Variants in KCND2 observed in about 807,000 individuals in gnomAD.
KCND2 encodes the protein A-type voltage-gated potassium channel KCND2.
A neutral mutation model predicts 54.4 loss-of-function variants in KCND2; 16 were observed. The observed-to-expected ratio is 0.29, with a 90% CI of 0.20 to 0.45. KCND2 has a LOEUF of 0.45. Ranked by LOEUF, KCND2 falls within the 20% of genes least tolerant of loss-of-function variation. The pLI is 1.00. For synonymous variants in KCND2, 317 were observed against 310.7 expected (o/e 1.02, Z -0.21); for missense variants, 486 against 824.2 (o/e 0.59, Z 5.02).
intron 1 of KCND2, among the ~76,000 whole-genome samples, chr7:120,396,254 G>T (rs1801154710): frequency 6.6e-6 from 1 of 151,968 alleles, no homozygotes; most frequent in Admixed American, 6.6e-5. Context: ...TGTAAGATCT[G>T]TTGGTTTTCC....
intron 1 of KCND2, among the ~76,000 whole-genome samples, chr7:120,632,377 T>G (rs1793244391): frequency 6.6e-6 from 1 of 152,140 alleles, no homozygotes; most frequent in East Asian, 1.9e-4. Context: ...TTTAACGAAA[T>G]GAATTTTCAA....
intron 1 of KCND2, among the ~76,000 whole-genome samples, chr7:120,565,113 A>G (rs897316550): frequency 6.6e-6 from 1 of 152,178 alleles, no homozygotes; most frequent in African/African-American, 2.4e-5. Context: ...ACAGACAATG[A>G]TAATGATGTT....
chr7:120,579,290 T>C (rs898628163), intron 1 of KCND2, among the ~76,000 whole-genome samples: 2 of 152,104 alleles, frequency 1.3e-5, no homozygotes, highest in Non-Finnish European at 2.9e-5. Flanking sequence ...TTCTCAGATT[T>C]ATCTTTTAGT....
At chr7:120,676,628 G>A (rs1792064541) in intron 1 of KCND2, among the ~76,000 whole-genome samples, 1 of 152,122 alleles carries the variant, frequency 6.6e-6, no homozygotes, top group Non-Finnish European at 1.5e-5. Context: ...TTCATATTAA[G>A]ATAGATATAT....
intron 1 of KCND2, among the ~76,000 whole-genome samples, chr7:120,580,788 A>G (rs1266501605): frequency 6.6e-6 from 1 of 152,198 alleles, no homozygotes; most frequent in Non-Finnish European, 1.5e-5. Context: ...CAAAACTTTC[A>G]TAACTTGTTT....
At chr7:120,397,989 GTGTGTGTATA>G (rs1267461549) in intron 1 of KCND2, among the ~76,000 whole-genome samples, 4 of 40,354 alleles carry the variant, frequency 9.9e-5, no homozygotes, top group African/African-American at 2.0e-4. Flanking sequence ...GTGTGTGTGT[GTGTGTGTATA>G]TATATATATA....
intron 1 of KCND2, among the ~76,000 whole-genome samples, chr7:120,538,445 C>T (rs953203358): frequency 6.6e-6 from 1 of 152,176 alleles, no homozygotes; most frequent in Non-Finnish European, 1.5e-5. Context: ...CTACCTGCAC[C>T]TATACCACAG....
chr7:120,557,169 T>G (rs1161626407), intron 1 of KCND2, among the ~76,000 whole-genome samples: 2 of 152,182 alleles, frequency 1.3e-5, no homozygotes, highest in Admixed American at 1.3e-4. Context: ...ACATAACAGA[T>G]GTACATATTT....
chr7:120,294,572 A>G (rs1799481523), intron 1 of KCND2, among the ~76,000 whole-genome samples: 1 of 151,876 alleles, frequency 6.6e-6, no homozygotes, highest in African/African-American at 2.4e-5. Context: ...AGACATTTTT[A>G]TCTAACTGAA....
intron 1 of KCND2, among the ~76,000 whole-genome samples, chr7:120,608,794 A>G (rs1232447415): frequency 6.6e-6 from 1 of 152,148 alleles, no homozygotes; most frequent in Non-Finnish European, 1.5e-5. Context: ...TGAAAAATTC[A>G]AAGTTTAGAC....
chr7:120,691,230 C>T (rs1302711076), intron 1 of KCND2, among the ~76,000 whole-genome samples: 1 of 152,170 alleles, frequency 6.6e-6, no homozygotes. Flanking sequence ...GAAGTAACAG[C>T]TATACAATAT....
chr7:120,471,983 T>A (rs1802460482), intron 1 of KCND2, among the ~76,000 whole-genome samples: 3 of 151,996 alleles, frequency 2.0e-5, no homozygotes, highest in Admixed American at 2.0e-4. Context: ...TTATCTCAGT[T>A]AACTGTCACT....
chr7:120,397,562 A>G (rs769985487), intron 1 of KCND2, among the ~76,000 whole-genome samples: 2 of 151,892 alleles, frequency 1.3e-5, no homozygotes, highest in African/African-American at 2.4e-5. Context: ...ATATTCTTCA[A>G]TTTCTTTAAA....
chr7:120,395,298 A>G (rs1426160521), intron 1 of KCND2, among the ~76,000 whole-genome samples: 2 of 152,068 alleles, frequency 1.3e-5, no homozygotes, highest in East Asian at 1.9e-4. Flanking sequence ...CAAACTCAGT[A>G]TAACTCAGTA....
At chr7:120,348,689 C>T (rs1800359755) in intron 1 of KCND2, among the ~76,000 whole-genome samples, 1 of 152,154 alleles carries the variant, frequency 6.6e-6, no homozygotes, top group Non-Finnish European at 1.5e-5. Context: ...AAAGCTATGA[C>T]CTCATGATGG....
At chr7:120,373,642 A>G (rs1356988562) in intron 1 of KCND2, among the ~76,000 whole-genome samples, 1 of 151,880 alleles carries the variant, frequency 6.6e-6, no homozygotes, top group Non-Finnish European at 1.5e-5. Flanking sequence ...AAATCCTTAG[A>G]TATCTAATAC....
chr7:120,338,822 G>T (rs1247828128), intron 1 of KCND2, among the ~76,000 whole-genome samples: 1 of 151,898 alleles, frequency 6.6e-6, no homozygotes, highest in East Asian at 1.9e-4. Flanking sequence ...AGAGAGTTGG[G>T]TGTAGTAAAG....
At chr7:120,635,429 CCA>C (rs1332929542) in intron 1 of KCND2, among the ~76,000 whole-genome samples, 15 of 152,254 alleles carry the variant, frequency 9.9e-5, no homozygotes, top group African/African-American at 3.6e-4. Flanking sequence ...AGTGACAGTA[CCA>C]CATTTCCTTC....
At chr7:120,652,453 G>A (rs1257602370) in intron 1 of KCND2, among the ~76,000 whole-genome samples, 5 of 152,204 alleles carry the variant, frequency 3.3e-5, no homozygotes, top group African/African-American at 1.2e-4. Flanking sequence ...TGATTCTCCT[G>A]TGGATGTCCC....
Sources: allele counts gnomAD v4.1 joint callset (sites outside exome capture counted in the v4.1 genomes callset), GRCh38; gene constraint gnomAD v4.1.1; transcripts MANE v1.5; gene names NCBI Gene and HGNC (gene_info 2026-07-23, HGNC 2026-07-21).